The following PHACTR2 variants were observed in gnomAD, a reference collection of about 807,000 sequenced individuals.
The protein encoded by PHACTR2 is phosphatase and actin regulator 2.
In PHACTR2, 30 loss-of-function variants were observed where a neutral mutation model predicts 76.0. That is an observed-to-expected ratio of 0.39 (90% CI 0.30 to 0.54). PHACTR2 has a LOEUF of 0.54. Ranked by LOEUF, PHACTR2 falls within the 20% of genes least tolerant of loss-of-function variation. PHACTR2 has a pLI of 0.61. For synonymous variants in PHACTR2, 292 were observed against 292.5 expected, an observed-to-expected ratio of 1.00 and a Z score of 0.02; for missense variants, 696 against 781.1, an observed-to-expected ratio of 0.89 and a Z score of 1.30.
chr6:143,649,940 T>A (rs536827961), intron 1 of PHACTR2, among the ~76,000 whole-genome samples: 1,743 of 152,230 alleles, frequency 0.011, 41 homozygotes, highest in African/African-American at 0.04. Context: ...TCTAGAAAAC[T>A]CCATTGTCTC....
At position 143,827,155 on chromosome 6, in the gene PHACTR2, A is replaced by AAAAAAAAT. The variant is rs1254251707; in HGVS notation, c.*3467_*3468insAAAAAATA. 4 of 77,230 alleles carry AAAAAAAAT rather than the reference A, an allele frequency of 5.2e-5. No individual in the cohort carries two copies. The highest frequency in any genetic ancestry group is 5.0e-5 in the African/African-American group (1 of 20,060). The allele number at this position is 77,230 out of a possible 1,614,324, so 4.8% of individuals were successfully genotyped here. On this transcript the variant is annotated 3_prime_UTR_variant, in exon 13 of 13. Transcript: ENST00000440869. ...GGGCTGCGTTGGCATTAAAAAAGAA[A>AAAAAAAAT]ATATATATATATATATATATATATA... is the stretch of plus-strand genomic sequence containing the variant.
chr6:143,777,233 C>A lies in PHACTR2; in HGVS notation c.1590-95C>A. ...GCTTTAAAAATGGATTTTTATTTCT[C>A]AAAACATGAAAAATAGAGCTTTGTT... On this transcript the variant is annotated intron_variant, in intron 8 of 12. Coordinates refer to ENST00000440869, the MANE Select transcript of PHACTR2 (RefSeq NM_001100164.2). The surrounding 1 kb of genome is among the most constrained non-coding windows in gnomAD (Gnocchi z 4.6). 1.5e-6 allele frequency: 1 copy of A among 646,894 alleles called. No individual in the cohort carries two copies. Among genetic ancestry groups the A allele is most frequent in the South Asian group, 2.1e-5 (1 of 48,166 alleles). 40.1% of individuals were successfully genotyped at this position (646,894 alleles called of 1,614,324 possible).
chr6:143,773,286 A>G (rs1775196339), intron 7 of PHACTR2, among the ~76,000 whole-genome samples: 1 of 152,202 alleles, frequency 6.6e-6, no homozygotes, highest in Non-Finnish European at 1.5e-5. Context: ...AATAAGTAAG[A>G]TAGTAGGCCT....
At chr6:143,685,913 C>A (rs1777508612) in intron 1 of PHACTR2, among the ~76,000 whole-genome samples, 1 of 152,144 alleles carries the variant, frequency 6.6e-6, no homozygotes, top group African/African-American at 2.4e-5. Flanking sequence ...AGGTGGATCA[C>A]CTGGGGTCAG....
upstream of PHACTR2, among the ~76,000 whole-genome samples, chr6:143,606,210 C>T (rs979363025): frequency 1.3e-5 from 2 of 152,154 alleles, no homozygotes; most frequent in Non-Finnish European, 2.9e-5. Context: ...TTAATAGCGT[C>T]ACGTCACTTC....
intron 1 of PHACTR2, among the ~76,000 whole-genome samples, chr6:143,615,717 G>A (rs948532341): frequency 6.6e-6 from 1 of 152,100 alleles, no homozygotes; most frequent in Non-Finnish European, 1.5e-5. Context: ...TGTTTTTAAT[G>A]ATATTTAAAT....
In PHACTR2 at chr6:143,626,536, C is replaced by CAAAAAAAAAAAAAAAAAAAAAAAA. The variant is rs35107482; in HGVS notation, c.13+18229_13+18230insAAAAAAAAAAAAAAAAAAAAAAAA. ...TGGGCAGCAGAGCGAGACTCCGTCT[C>CAAAAAAAAAAAAAAAAAAAAAAAA]AAAAAAAAAAAAAAATTAGCACAAA... is the stretch of plus-strand genomic sequence containing the variant. On this transcript the variant is annotated intron_variant, in intron 1 of 11. Transcript: ENST00000305766. Among the ~76,000 whole-genome samples, 199 of 122,136 alleles carry CAAAAAAAAAAAAAAAAAAAAAAAA rather than the reference C, an allele frequency of 1.6e-3. 3 individuals carry two copies. Among genetic ancestry groups the CAAAAAAAAAAAAAAAAAAAAAAAA allele is most frequent in the African/African-American group, 5.1e-3 (154 of 30,392 alleles). The allele number at this position is 122,136 out of a possible 152,430, so 80.1% of individuals were successfully genotyped here. A position where few individuals can be genotyped will look rare whatever the true frequency, so the allele number is the denominator to read the frequency against.
At chr6:143,682,317 A>G (rs1051323405) in intron 1 of PHACTR2, among the ~76,000 whole-genome samples, 9 of 152,170 alleles carry the variant, frequency 5.9e-5, no homozygotes, top group Admixed American at 4.6e-4. Flanking sequence ...TTCTGGGCTC[A>G]AGCGATCCTC....
intron 1 of PHACTR2, among the ~76,000 whole-genome samples, chr6:143,615,168 A>G (rs13191026): frequency 0.2 from 30,267 of 152,166 alleles, 3,144 homozygotes; most frequent in South Asian, 0.27. Context: ...ACATATAAGT[A>G]GCTGAGGCTA....
rs915000472 is a variant in PHACTR2 at position 143,562,610 on chromosome 6, A to G, written c.217+25403A>G. On this transcript the variant is annotated intron_variant, in intron 1 of 11. Coordinates refer to the PHACTR2 transcript ENST00000367584. This position sits in a 1 kb window ranked among gnomAD's most constrained non-coding sequence, Gnocchi z 5.1. ...ATCACTTGACTGCCTCTCCAGTGTG[A>G]CTCTGAGTTTCAAGGGTAATAATCC... 1.8e-4 allele frequency among the ~76,000 whole-genome samples: 28 copies of G among 152,076 alleles called. No individual in the cohort carries two copies. The South Asian group carries it at 5.2e-3, about 28-fold the overall frequency.
Position 143,652,959 on chromosome 6 carries a change from G to A in PHACTR2, c.13+44637G>A, listed in dbSNP as rs1224997663. Among the ~76,000 whole-genome samples the A allele has an allele frequency of 1.3e-5, 2 of 152,194 alleles. No homozygotes were observed. Among genetic ancestry groups the A allele is most frequent in the African/African-American group, 4.8e-5 (2 of 41,436 alleles). On this transcript the variant is annotated intron_variant, in intron 1 of 11. Transcript: ENST00000305766. This position sits in a 1 kb window ranked among gnomAD's most constrained non-coding sequence, Gnocchi z 4.5. ...TTCACATTATTTCCAGCTGGATTGA[G>A]GCTGGAAGCTCCCTGGCAAGCAATA...
Position 143,599,917 on chromosome 6 carries a change from TCAGAG to T in PHACTR2, c.217+62715_217+62719del, listed in dbSNP as rs1775795458. Among the ~76,000 whole-genome samples, 1 of 152,172 alleles carries T rather than the reference TCAGAG, an allele frequency of 6.6e-6. No homozygotes were observed. The highest frequency in any genetic ancestry group is 1.5e-5 in the Non-Finnish European group (1 of 68,028). ...GGGAGTGGTGGAAACTTTGGCAAACTCAGAGCAGATGCCTTGTCTAAAGCTTTCAA... is the reference window on the plus strand; with the variant it reads ...GGGAGTGGTGGAAACTTTGGCAAACTCAGATGCCTTGTCTAAAGCTTTCAA... On this transcript the variant is annotated intron_variant, in intron 1 of 11. Transcript: ENST00000367584. This position sits in a 1 kb window ranked among gnomAD's most constrained non-coding sequence, Gnocchi z 4.6.
chr6:143,772,660 G>A lies in PHACTR2; in HGVS notation c.1432+203G>A, dbSNP rs1234570267. Among the ~76,000 whole-genome samples, 1 of 152,194 alleles carries A rather than the reference G, an allele frequency of 6.6e-6. No individual in the cohort carries two copies. Among genetic ancestry groups the A allele is most frequent in the East Asian group, 1.9e-4 (1 of 5,192 alleles). ...TCCAGAAGATGATGTCACATGGCTG[G>A]ATCTGGCCTTTGTCGATGAGCTAGA... On this transcript the variant is annotated intron_variant, in intron 7 of 12. Transcript: ENST00000440869. The surrounding 1 kb of genome is among the most constrained non-coding windows in gnomAD (Gnocchi z 5.4).
At chr6:143,690,922 C>T (rs756516674) in intron 1 of PHACTR2, among the ~76,000 whole-genome samples, 1 of 152,102 alleles carries the variant, frequency 6.6e-6, no homozygotes, top group African/African-American at 2.4e-5. Flanking sequence ...TTTAGGGATG[C>T]GTCATCTTTA....
At chr6:143,559,736 G>GTTT (rs1775239093) in intron 1 of PHACTR2, among the ~76,000 whole-genome samples, 1 of 19,130 alleles carries the variant, frequency 5.2e-5, no homozygotes, top group African/African-American at 2.0e-4. Context: ...TGGAGACAGA[G>GTTT]TTTTGCTCTT....
At chr6:143,645,685 T>TG (rs539108679) in intron 1 of PHACTR2, among the ~76,000 whole-genome samples, 74 of 152,372 alleles carry the variant, frequency 4.9e-4, no homozygotes, top group South Asian at 1.2e-3. Context: ...TTCTTGAGAA[T>TG]GTAATGTTCT....
At position 143,653,908 on chromosome 6, in the gene PHACTR2, AC is replaced by A; in HGVS notation, c.13+45588del. Among the ~76,000 whole-genome samples the A allele has an allele frequency of 6.6e-6, 1 of 152,330 alleles. No individual in the cohort carries two copies. The highest frequency in any genetic ancestry group is 3.4e-3 in the Middle Eastern group (1 of 294). On this transcript the variant is annotated intron_variant, in intron 1 of 11. Coordinates refer to the PHACTR2 transcript ENST00000305766. This position sits in a 1 kb window ranked among gnomAD's most constrained non-coding sequence, Gnocchi z 4.9. ...CTAAAAATGTTGTGGCTCAAAGGAC[AC>A]CATCTATAAAGTGAAAAGACTACCC...
chr6:143,789,867 T>A lies in PHACTR2; in HGVS notation c.1845+957T>A, dbSNP rs1030032484. On this transcript the variant is annotated intron_variant, in intron 11 of 12. Transcript: ENST00000440869. This position sits in a 1 kb window ranked among gnomAD's most constrained non-coding sequence, Gnocchi z 5.1. ...AGTAGAAATGAAAAGTAAGAAGGAATAAGATCACAAAGGAAGAATGTTCAG... is the reference window on the plus strand; with the variant it reads ...AGTAGAAATGAAAAGTAAGAAGGAAAAAGATCACAAAGGAAGAATGTTCAG... Among the ~76,000 whole-genome samples the A allele has an allele frequency of 1.3e-5, 2 of 152,042 alleles. No homozygotes were observed. The highest frequency in any genetic ancestry group is 4.8e-5 in the African/African-American group (2 of 41,400).
At chr6:143,762,821 G>A (rs1304179654) in intron 5 of PHACTR2, among the ~76,000 whole-genome samples, 1 of 152,036 alleles carries the variant, frequency 6.6e-6, no homozygotes, top group Non-Finnish European at 1.5e-5. Context: ...CTTGATTTTT[G>A]TTTCTCATTG....
Sources: gnomAD v4.1 joint callset for allele counts (sites outside exome capture counted in the v4.1 genomes callset) on GRCh38, gnomAD v4.1.1 for gene constraint, Gnocchi (gnomAD v3.1) non-coding constraint, MANE v1.5 for transcripts, NCBI Gene and HGNC (gene_info 2026-07-23, HGNC 2026-07-21) for gene names.